Variants in ZNF324B observed in about 807,000 individuals in gnomAD.
ZNF324B encodes zinc finger protein 324B.
ZNF324B carries 7 observed loss-of-function variants against 10.6 expected under a neutral mutation model. That is an observed-to-expected ratio of 0.66 (90% CI 0.38 to 1.24). The LOEUF (loss-of-function observed/expected upper bound fraction) is 1.24, where lower values mean the gene tolerates loss of function less well. Ranked by LOEUF, ZNF324B falls within the 50% of genes most tolerant of loss-of-function variation. The probability of loss-of-function intolerance (pLI) is 0.02; values close to 1 mark genes in which losing one functional copy is unlikely to be tolerated. For synonymous variants in ZNF324B, 316 were observed against 321.0 expected (o/e 0.98, Z 0.17); for missense variants, 640 against 764.7 (o/e 0.84, Z 1.92).
At chr19:58,429,295 G>C in the ZNF324B span, 1 of 152,206 alleles carries the variant, frequency 6.6e-6, no homozygotes, top group Non-Finnish European at 1.5e-5. Context: ...GCAGATCCAG[G>C]AGTGAGTGAT....
chr19:58,451,506 C>T, upstream of ZNF324B: 7 of 429,784 alleles, frequency 1.6e-5, no homozygotes, highest in Non-Finnish European at 2.8e-5. Flanking sequence ...GTAATGGCCC[C>T]GCCTCCGCGC....
chr19:58,447,307 C>T (rs1033121037), upstream of ZNF324B, among the ~76,000 whole-genome samples: 18 of 152,194 alleles, frequency 1.2e-4, no homozygotes, highest in Non-Finnish European at 2.9e-5. Context: ...CAAAGGACCA[C>T]GTTGGCTAGG....
chr19:58,438,054 A>T, the ZNF324B span, among the ~76,000 whole-genome samples: 1 of 152,134 alleles, frequency 6.6e-6, no homozygotes, highest in South Asian at 2.1e-4. Context: ...GCCTGACAAA[A>T]ACCCCAGGAC....
rs755318433 is a variant in ZNF324B at position 58,454,310 on chromosome 19, C to G, written c.204C>G (p.Thr68=). 1 of 1,614,006 alleles carries G rather than the reference C, an allele frequency of 6.2e-7. No individual in the cohort carries two copies. Among genetic ancestry groups the G allele is most frequent in the South Asian group, 1.1e-5 (1 of 91,078 alleles). The change falls in exon 3 of 4, where the codon ACC becomes ACG. Residue 68 remains threonine, a synonymous_variant. Coordinates refer to ENST00000336614, the MANE Select transcript of ZNF324B (RefSeq NM_207395.3). ...EPWVPSGKDM[T]LARNTYGRLN... is the part of the protein sequence containing the mutation. Reference sequence around the variant, plus strand: ...GGGTTCCCAGTGGAAAGGACATGACCCTGGCCAGGAACACCTACGGGAGGC... The same window carrying G: ...GGGTTCCCAGTGGAAAGGACATGACGCTGGCCAGGAACACCTACGGGAGGC...
At chr19:58,438,675 G>A in the ZNF324B span, among the ~76,000 whole-genome samples, 3,489 of 151,732 alleles carry the variant, frequency 0.023, 107 homozygotes, top group African/African-American at 0.075. Context: ...GGGTTTCACC[G>A]TGTTAGCCAG....
the ZNF324B span, chr19:58,434,741 G>A: frequency 4.3e-6 from 7 of 1,614,224 alleles, no homozygotes; most frequent in Non-Finnish European, 5.1e-6. Flanking sequence ...CACTCGAAGA[G>A]TTTCTGTGTG....
At chr19:58,439,862 C>T in the ZNF324B span, 1 of 1,529,930 alleles carries the variant, frequency 6.5e-7, no homozygotes, top group African/African-American at 1.4e-5. Flanking sequence ...GGGCCGAACC[C>T]TCACACTTCC....
In ZNF324B at chr19:58,456,670, G is replaced by A; in HGVS notation, c.*91G>A. The A allele has an allele frequency of 2.1e-6, 3 of 1,440,554 alleles. No individual in the cohort carries two copies. Among genetic ancestry groups the A allele is most frequent in the Non-Finnish European group, 2.8e-6 (3 of 1,070,262 alleles). 89.2% of individuals were successfully genotyped at this position (1,440,554 alleles called of 1,614,324 possible). A position where few individuals can be genotyped will look rare whatever the true frequency, so the allele number is the denominator to read the frequency against. On this transcript the variant is annotated 3_prime_UTR_variant, in exon 4 of 4. Transcript: ENST00000336614. This position sits in a 1 kb window ranked among gnomAD's most constrained non-coding sequence, Gnocchi z 4.7. ...GAGTGCTCTTCAGATCCACGATGGG[G>A]AAAAGCTCTGTGCCTGAGAGTCAGG...
the ZNF324B span, chr19:58,439,808 C>G: frequency 1.3e-6 from 2 of 1,544,800 alleles, no homozygotes; most frequent in East Asian, 2.5e-5. Flanking sequence ...AACCTGTGGG[C>G]TGGGCAGGGC....
chr19:58,422,933 G>A, the ZNF324B span, among the ~76,000 whole-genome samples: 2 of 152,082 alleles, frequency 1.3e-5, no homozygotes, highest in East Asian at 1.9e-4. Flanking sequence ...GCAATGGCAC[G>A]ATCTGGGCTC....
At chr19:58,421,150 C>T in the ZNF324B span, among the ~76,000 whole-genome samples, 1 of 152,026 alleles carries the variant, frequency 6.6e-6, no homozygotes, top group Non-Finnish European at 1.5e-5. Flanking sequence ...ATGGCAATGG[C>T]GGGCCTGTCT....
chr19:58,429,887 G>C, the ZNF324B span: 1 of 152,382 alleles, frequency 6.6e-6, no homozygotes, highest in Admixed American at 6.5e-5. Context: ...AGATGAGACA[G>C]TATGGCAGGC....
chr19:58,427,799 A>G, the ZNF324B span, among the ~76,000 whole-genome samples: 1 of 151,906 alleles, frequency 6.6e-6, no homozygotes, highest in East Asian at 1.9e-4. Context: ...GCATGCCACA[A>G]TCATGCCCAG....
At chr19:58,424,371 TA>T in the ZNF324B span, among the ~76,000 whole-genome samples, 2 of 152,196 alleles carry the variant, frequency 1.3e-5, no homozygotes, top group Non-Finnish European at 2.9e-5. Context: ...AAATAACACT[TA>T]TAACTCGATT....
At chr19:58,437,670 C>T in the ZNF324B span, 20 of 974,448 alleles carry the variant, frequency 2.1e-5, no homozygotes, top group Non-Finnish European at 2.3e-5. Context: ...TTTCCAACCC[C>T]TCCCTGTTCA....
chr19:58,437,815 G>C, the ZNF324B span: 529 of 985,160 alleles, frequency 5.4e-4, 6 homozygotes, highest in African/African-American at 8.6e-3. Context: ...AGCCCCTCAA[G>C]TCAATGCCTC....
the ZNF324B span, chr19:58,433,396 T>C: frequency 6.2e-7 from 1 of 1,614,202 alleles, no homozygotes; most frequent in East Asian, 2.2e-5. Flanking sequence ...GCTACACTCA[T>C]AAGTCCTTTC....
chr19:58,430,266 C>A, the ZNF324B span: 1 of 152,248 alleles, frequency 6.6e-6, no homozygotes, highest in Admixed American at 6.5e-5. Flanking sequence ...AGATGATACA[C>A]CCCCAGCTGA....
Position 58,456,099 on chromosome 19 carries a change from C to G in ZNF324B, c.1155C>G (p.Ile385Met). Residue 385 changes from isoleucine to methionine, a missense_variant, in exon 4 of 4, where the codon ATC becomes ATG. By Grantham distance (10) the Ile-to-Met change is conservative. Coordinates refer to ENST00000336614, the MANE Select transcript of ZNF324B (RefSeq NM_207395.3). The surrounding 1 kb of genome is among the most constrained non-coding windows in gnomAD (Gnocchi z 4.7). ...GRRFCRNSHL[I>M]QHERTHTGEK... The stretch of plus-strand genomic sequence containing the variant: ...GCTTCTGCCGCAACTCGCACCTGAT[C>G]CAGCACGAGCGTACGCACACAGGCG... 1.2e-6 allele frequency: 2 copies of G among 1,612,990 alleles called. No homozygotes were observed. Among genetic ancestry groups the G allele is most frequent in the Non-Finnish European group, 1.7e-6 (2 of 1,179,936 alleles).
Sources: gnomAD v4.1 joint callset for allele counts (sites outside exome capture counted in the v4.1 genomes callset) on GRCh38, gnomAD v4.1.1 for gene constraint, Gnocchi (gnomAD v3.1) non-coding constraint, MANE v1.5 for transcripts, NCBI Gene and HGNC (gene_info 2026-07-23, HGNC 2026-07-21) for gene names.